The following GRAMD1C variants were observed in gnomAD, a reference collection of about 807,000 sequenced individuals.
GRAMD1C encodes GRAM domain containing 1C.
Under a neutral mutation model 97.8 loss-of-function variants are expected in GRAMD1C, and 89 were observed. That is an observed-to-expected ratio of 0.91 (90% CI 0.77 to 1.09). The LOEUF is 1.09. Ranked by LOEUF, GRAMD1C falls within the 50% of genes least tolerant of loss-of-function variation. The pLI is 0.00. For missense variants in GRAMD1C, 740 were observed against 766.4 expected (o/e 0.97, Z 0.41); for synonymous variants, 256 against 267.0 (o/e 0.96, Z 0.40).
rs1262791425 is a variant in GRAMD1C at position 113,945,694 on chromosome 3, C to T, written c.*216C>T. On this transcript the variant is annotated 3_prime_UTR_variant, in exon 18 of 18. Coordinates refer to ENST00000358160, the MANE Select transcript of GRAMD1C (RefSeq NM_017577.5). ...TTCACTTCTTATAGATATTTTTAAG[C>T]TGTGAATTTCTTCAGTGAACCATGA... The T allele has an allele frequency of 2.1e-6, 1 of 482,256 alleles. No homozygotes were observed. The highest frequency in any genetic ancestry group is 2.0e-5 in the African/African-American group (1 of 49,728). The allele number at this position is 482,256 out of a possible 1,614,324, so 29.9% of individuals were successfully genotyped here. A position where few individuals can be genotyped will look rare whatever the true frequency, so the allele number is the denominator to read the frequency against.
Position 113,886,072 on chromosome 3 carries a change from G to C in GRAMD1C, c.540+3240G>C, listed in dbSNP as rs986116783. ...CACTTGGGTTGGGGTGGGGGGGCGG[G>C]GGGGAAAGGGATGGCGAGCCCTTGG... On this transcript the variant is annotated intron_variant, in intron 6 of 17. Transcript: ENST00000358160. 4 of 799,130 alleles carry C rather than the reference G, an allele frequency of 5.0e-6. 1 individual carries two copies. The African/African-American group carries it at 5.4e-5, about 11-fold the overall frequency. The allele number at this position is 799,130 out of a possible 1,614,324, so 49.5% of individuals were successfully genotyped here.
chr3:113,862,036 C>T (rs1934397258), intron 2 of GRAMD1C, among the ~76,000 whole-genome samples: 1 of 152,106 alleles, frequency 6.6e-6, no homozygotes, highest in Non-Finnish European at 1.5e-5. Flanking sequence ...TCACAGAGAT[C>T]ACATGCTTCA....
chr3:113,864,989 G>C (rs558651312), intron 2 of GRAMD1C, among the ~76,000 whole-genome samples: 106 of 152,202 alleles, frequency 7.0e-4, no homozygotes, highest in African/African-American at 1.6e-3. Flanking sequence ...CCTAGACTGG[G>C]TAATTTATAT....
intron 8 of GRAMD1C, among the ~76,000 whole-genome samples, chr3:113,904,745 G>T (rs916838007): frequency 5.3e-5 from 8 of 152,118 alleles, no homozygotes; most frequent in Non-Finnish European, 1.2e-4. Flanking sequence ...AAGCAGGCAG[G>T]TCCAGTTAAC....
chr3:113,858,413 T>TTTTTA (rs1934236188), intron 2 of GRAMD1C, among the ~76,000 whole-genome samples: 3 of 147,524 alleles, frequency 2.0e-5, no homozygotes, highest in African/African-American at 5.0e-5. Context: ...TTTTTTTTTT[T>TTTTTA]GAGACAGGGT....
At chr3:113,849,209 C>A (rs1343419057) in intron 2 of GRAMD1C, among the ~76,000 whole-genome samples, 1 of 151,976 alleles carries the variant, frequency 6.6e-6, no homozygotes, top group African/African-American at 2.4e-5. Flanking sequence ...CAGAAGATGA[C>A]ATACTTACCT....
At chr3:113,937,867 T>C (rs1937607855) in intron 14 of GRAMD1C, among the ~76,000 whole-genome samples, 1 of 152,086 alleles carries the variant, frequency 6.6e-6, no homozygotes, top group African/African-American at 2.4e-5. Context: ...TAGCTGGGCA[T>C]GGTGGCGCAT....
At chr3:113,924,235 AT>A (rs1937159514) in intron 10 of GRAMD1C, among the ~76,000 whole-genome samples, 1 of 151,298 alleles carries the variant, frequency 6.6e-6, no homozygotes, top group African/African-American at 2.4e-5. Flanking sequence ...TTATGATTTC[AT>A]TGATCTTTTG....
At chr3:113,941,815 C>T (rs549962326) in intron 17 of GRAMD1C, among the ~76,000 whole-genome samples, 21 of 152,146 alleles carry the variant, frequency 1.4e-4, no homozygotes, top group African/African-American at 3.9e-4. Flanking sequence ...GACAGGGTTT[C>T]GCCATGTTGG....
At chr3:113,851,254 AC>A (rs1933891145) in intron 2 of GRAMD1C, among the ~76,000 whole-genome samples, 1 of 152,134 alleles carries the variant, frequency 6.6e-6, no homozygotes, top group African/African-American at 2.4e-5. Flanking sequence ...AATCTTGAAA[AC>A]TATGCATAAA....
At chr3:113,899,514 T>G (rs1390076619) in intron 6 of GRAMD1C, among the ~76,000 whole-genome samples, 1 of 152,230 alleles carries the variant, frequency 6.6e-6, no homozygotes, top group African/African-American at 2.4e-5. Flanking sequence ...TTTTTATGTT[T>G]ATTCTCCTTA....
At chr3:113,852,997 AT>A (rs1933974653) in intron 2 of GRAMD1C, among the ~76,000 whole-genome samples, 1 of 152,192 alleles carries the variant, frequency 6.6e-6, no homozygotes, top group South Asian at 2.1e-4. Context: ...GCAGAAAGAG[AT>A]TCAATAAATA....
intron 7 of GRAMD1C, among the ~76,000 whole-genome samples, chr3:113,901,780 G>A (rs1936181158): frequency 6.6e-6 from 1 of 152,128 alleles, no homozygotes; most frequent in South Asian, 2.1e-4. Flanking sequence ...TGGAAATTGA[G>A]GCTGTTAGCA....
In GRAMD1C at chr3:113,940,318, C is replaced by G. The variant is rs760280777; in HGVS notation, c.1881C>G (p.Leu627=). The G allele has an allele frequency of 2.3e-5, 37 of 1,597,956 alleles. No individual in the cohort carries two copies. Among genetic ancestry groups the G allele is most frequent in the Non-Finnish European group, 2.8e-5 (33 of 1,165,364 alleles). ...AGGCCCATCGTTTAAAGGGAGTGCT[C>G]CGAGACTCCATAGTGATGCTTGAAC... ...KDQAHRLKGV[L]RDSIVMLEQL... The change falls in exon 17 of 18, where the codon CTC becomes CTG. Residue 627 remains leucine, a synonymous_variant. Transcript: ENST00000358160.
intron 10 of GRAMD1C, among the ~76,000 whole-genome samples, chr3:113,920,604 C>T (rs1401167985): frequency 1.3e-5 from 2 of 151,972 alleles, no homozygotes; most frequent in African/African-American, 2.4e-5. Flanking sequence ...TGCAATGGTG[C>T]GATCTCGGCT....
chr3:113,901,874 A>G (rs996308957), intron 7 of GRAMD1C, among the ~76,000 whole-genome samples: 1 of 152,334 alleles, frequency 6.6e-6, no homozygotes, highest in East Asian at 1.9e-4. Flanking sequence ...AAGGCCATAT[A>G]TTGTATGATT....
At position 113,941,638 on chromosome 3, in the gene GRAMD1C, A is replaced by C. The variant is rs1937784384; in HGVS notation, c.1908+1293A>C. Among the ~76,000 whole-genome samples, 3 of 97,668 alleles carry C rather than the reference A, an allele frequency of 3.1e-5. No individual in the cohort carries two copies. The Admixed American group carries it at 3.1e-4, about 10-fold the overall frequency. 64.1% of individuals were successfully genotyped at this position (97,668 alleles called of 152,430 possible). ...TGTTGCAATTTTTTTTTTTTTTTTGAGATGGAATCTCACTCTGTCACCCAG... is the reference window on the plus strand; with the variant it reads ...TGTTGCAATTTTTTTTTTTTTTTTGCGATGGAATCTCACTCTGTCACCCAG... On this transcript the variant is annotated intron_variant, in intron 17 of 17. Coordinates refer to ENST00000358160, the MANE Select transcript of GRAMD1C (RefSeq NM_017577.5).
chr3:113,854,992 A>T (rs1300371439), intron 2 of GRAMD1C, among the ~76,000 whole-genome samples: 1 of 152,196 alleles, frequency 6.6e-6, no homozygotes, highest in African/African-American at 2.4e-5. Context: ...AAAAACCTTT[A>T]TTAGATATGA....
chr3:113,860,867 G>C (rs984092830), intron 2 of GRAMD1C, among the ~76,000 whole-genome samples: 2 of 151,802 alleles, frequency 1.3e-5, no homozygotes, highest in Non-Finnish European at 2.9e-5. Flanking sequence ...TCGGGACGCT[G>C]AGGCAGGAGA....
Sources: gnomAD v4.1 joint callset for allele counts (sites outside exome capture counted in the v4.1 genomes callset) on GRCh38, gnomAD v4.1.1 for gene constraint, MANE v1.5 for transcripts, NCBI Gene and HGNC (gene_info 2026-07-23, HGNC 2026-07-21) for gene names.